Variants in MCTP2 observed in about 807,000 individuals in gnomAD.
MCTP2 encodes the protein multiple C2 and transmembrane domain containing 2, also known as multiple C2 and transmembrane domain-containing protein 2.
Under a neutral mutation model 111.6 loss-of-function variants are expected in MCTP2, and 132 were observed. The ratio of observed to expected loss-of-function variants is 1.18; its 90% CI spans 1.03 to 1.37. The LOEUF is 1.37. Among genes scored for constraint, MCTP2 ranks in the 40% most tolerant of loss-of-function variants. The probability of loss-of-function intolerance (pLI) is 0.00; values close to 1 mark genes in which losing one functional copy is unlikely to be tolerated. For synonymous variants in MCTP2, 395 were observed against 387.7 expected, an observed-to-expected ratio of 1.02 and a Z score of -0.22; for missense variants, 1,183 against 1,067.9, an observed-to-expected ratio of 1.11 and a Z score of -1.50.
intron 1 of MCTP2, among the ~76,000 whole-genome samples, chr15:94,257,563 T>TTTGTTG (rs1303012071): frequency 0.011 from 796 of 71,894 alleles, 18 homozygotes; most frequent in African/African-American, 0.041. Context: ...TGTCATTTTC[T>TTTGTTG]TTGTTGTTTT....
intron 1 of MCTP2, among the ~76,000 whole-genome samples, chr15:94,243,860 CAT>C (rs1389839505): frequency 6.8e-6 from 1 of 146,790 alleles, no homozygotes; most frequent in Admixed American, 6.7e-5. Flanking sequence ...TATGTATACA[CAT>C]ACATATGTGT....
intron 4 of MCTP2, among the ~76,000 whole-genome samples, chr15:94,335,425 G>T (rs975744915): frequency 2.0e-5 from 3 of 152,200 alleles, no homozygotes; most frequent in Admixed American, 2.0e-4. Flanking sequence ...AAATAAAAAT[G>T]AAAGTCACTT....
intron 1 of MCTP2, among the ~76,000 whole-genome samples, chr15:94,286,267 A>G (rs1477174363): frequency 1.3e-5 from 2 of 152,230 alleles, no homozygotes; most frequent in African/African-American, 2.4e-5. Context: ...TAATCTGTCT[A>G]TATAATTACA....
chr15:94,454,548 T>C (rs1355764187), intron 19 of MCTP2, among the ~76,000 whole-genome samples: 1 of 152,082 alleles, frequency 6.6e-6, no homozygotes, highest in East Asian at 1.9e-4. Flanking sequence ...GGTTTGAACC[T>C]TCGAAGATAT....
intron 21 of MCTP2, 138 bp from the exon 22 acceptor site, chr15:94,476,558 A>G: frequency 1.8e-6 from 1 of 548,702 alleles, no homozygotes; most frequent in South Asian, 2.4e-5. Flanking sequence ...CCCCCGAGTC[A>G]GGCGAGTTTT....
At chr15:94,461,852 A>T (rs188945256) in intron 20 of MCTP2, among the ~76,000 whole-genome samples, 2 of 152,274 alleles carry the variant, frequency 1.3e-5, no homozygotes, top group African/African-American at 4.8e-5. Context: ...ATAGGGCTGG[A>T]ATCCTGATGG....
chr15:94,249,133 C>A (rs922748909), intron 1 of MCTP2, among the ~76,000 whole-genome samples: 1 of 152,168 alleles, frequency 6.6e-6, no homozygotes, highest in Admixed American at 6.5e-5. Flanking sequence ...AGTTAAGAAT[C>A]TGGGATAGAT....
rs567491047 is a variant in MCTP2 at position 94,327,886 on chromosome 15, A to T, written c.638-11404A>T. Among the ~76,000 whole-genome samples, 8 of 152,272 alleles carry T rather than the reference A, an allele frequency of 5.3e-5. No homozygotes were observed. In the East Asian group the frequency reaches 1.5e-3, roughly 29 times the overall value. On this transcript the variant is annotated intron_variant, in intron 4 of 22. Transcript: ENST00000357742. ...GGACTCTGTGCAGTCTTGTGGATTG[A>T]TCAGAATGTCTTGATGCTTTGCTGC...
intron 20 of MCTP2, 77 bp from the exon 21 acceptor site, chr15:94,470,256 G>A: frequency 9.1e-7 from 1 of 1,097,292 alleles, no homozygotes; most frequent in Non-Finnish European, 1.4e-6. Flanking sequence ...TTATGAACAT[G>A]AAATAAACAT....
intron 14 of MCTP2, among the ~76,000 whole-genome samples, chr15:94,397,907 G>T (rs16949089): frequency 1.3e-5 from 2 of 152,004 alleles, no homozygotes; most frequent in South Asian, 4.2e-4. Context: ...AGAGTTAATA[G>T]GTATGCTTCT....
intron 1 of MCTP2, among the ~76,000 whole-genome samples, chr15:94,261,901 C>T (rs142101413): frequency 6.6e-6 from 1 of 152,160 alleles, no homozygotes; most frequent in East Asian, 1.9e-4. Flanking sequence ...ACTGTGTGGT[C>T]TGTGTGAGGT....
At chr15:94,431,264 T>G (rs1368869828) in intron 17 of MCTP2, among the ~76,000 whole-genome samples, 2 of 152,200 alleles carry the variant, frequency 1.3e-5, no homozygotes, top group Admixed American at 6.5e-5. Flanking sequence ...GTCAAGCAGT[T>G]GAGAAAATAG....
At chr15:94,356,068 C>A in intron 8 of MCTP2, 69 bp from the exon 9 acceptor site, 1 of 1,399,702 alleles carries the variant, frequency 7.1e-7, no homozygotes, top group Non-Finnish European at 9.3e-7. Flanking sequence ...GTTGGAATTC[C>A]TATGATCATC....
Position 94,476,717 on chromosome 15 carries a change from A to T in MCTP2, c.2492A>T (p.Lys831Met). The T allele has an allele frequency of 6.3e-7, 1 of 1,598,280 alleles. No homozygotes were observed. The highest frequency in any genetic ancestry group is 1.1e-5 in the South Asian group (1 of 90,696). ...TCAGGCATAAATAAATTTACTAAGA[A>T]GCTTCGAAATCCCTATTCCATCGAC... ...LIWGINKFTK[K>M]LRNPYSIDNN... Residue 831 changes from lysine (K) to methionine (M), a missense_variant, in exon 22 of 23, where the codon AAG becomes ATG. Physicochemically the swap from Lys to Met is moderately conservative, Grantham distance 95 (BLOSUM62 -1). Coordinates refer to ENST00000357742, the MANE Select transcript of MCTP2 (RefSeq NM_001385001.1).
chr15:94,325,143 C>T (rs538437694), intron 4 of MCTP2, among the ~76,000 whole-genome samples: 14 of 152,098 alleles, frequency 9.2e-5, no homozygotes, highest in African/African-American at 2.4e-4. Flanking sequence ...GAGGGTTATG[C>T]GTGGGCTTTG....
Position 94,407,774 on chromosome 15 carries a change from T to TGC in MCTP2, c.2085+5756_2085+5757dup, listed in dbSNP as rs202165365. ...AACCCTTCCAACACACATGTACTTG[T>TGC]GCACACACACACACACACACACACA... is the stretch of plus-strand genomic sequence containing the variant. On this transcript the variant is annotated intron_variant, in intron 17 of 22. Coordinates refer to ENST00000357742, the MANE Select transcript of MCTP2 (RefSeq NM_001385001.1). Among the ~76,000 whole-genome samples the TGC allele has an allele frequency of 6.7e-3, 636 of 95,200 alleles. 2 individuals carry two copies. Among genetic ancestry groups the TGC allele is most frequent in the African/African-American group, 0.018 (425 of 23,616 alleles). 62.5% of individuals were successfully genotyped at this position (95,200 alleles called of 152,430 possible).
chr15:94,442,997 A>G (rs367864323), intron 19 of MCTP2, 37 bp downstream of exon 19: 2 of 1,590,032 alleles, frequency 1.3e-6, no homozygotes, highest in East Asian at 2.2e-5. Context: ...ACAAAAAAAC[A>G]CTAGTGTTGT....
intron 17 of MCTP2, among the ~76,000 whole-genome samples, chr15:94,414,915 A>G (rs1486890596): frequency 1.3e-5 from 2 of 152,160 alleles, no homozygotes; most frequent in African/African-American, 2.4e-5. Context: ...TGGACCTACC[A>G]CCAGCTTCCA....
At chr15:94,405,290 C>G (rs1043651110) in intron 17 of MCTP2, among the ~76,000 whole-genome samples, 3 of 152,200 alleles carry the variant, frequency 2.0e-5, no homozygotes, top group Admixed American at 6.5e-5. Context: ...GTTCTAGACT[C>G]TAGCTCCAGG....
Sources: allele counts gnomAD v4.1 joint callset (sites outside exome capture counted in the v4.1 genomes callset), GRCh38; gene constraint gnomAD v4.1.1; transcripts MANE v1.5; gene names NCBI Gene and HGNC (gene_info 2026-07-23, HGNC 2026-07-21).